The following GTF2A1 variants were observed in gnomAD, a reference collection of about 807,000 sequenced individuals.
GTF2A1 encodes general transcription factor IIA subunit 1, also known as transcription initiation factor IIA subunit 1.
Under a neutral mutation model 54.1 loss-of-function variants are expected in GTF2A1, and 12 were observed. The observed-to-expected ratio is 0.22, with a 90% CI of 0.14 to 0.36. The LOEUF (loss-of-function observed/expected upper bound fraction) is 0.36, where lower values mean the gene tolerates loss of function less well. Ranked by LOEUF, GTF2A1 falls within the 10% of genes least tolerant of loss-of-function variation. The pLI is 1.00. For synonymous variants in GTF2A1, 145 were observed against 152.0 expected (o/e 0.95, Z 0.34); for missense variants, 335 against 442.2 (o/e 0.76, Z 2.17).
chr14:81,215,929 A>C (rs909016728), intron 2 of GTF2A1, among the ~76,000 whole-genome samples: 1 of 152,166 alleles, frequency 6.6e-6, no homozygotes, highest in African/African-American at 2.4e-5. Context: ...CAGGGGTGGG[A>C]GGATGGTTTG....
chr14:81,196,341 A>G, intron 5 of GTF2A1, 100 bp from the exon 6 acceptor site: 1 of 1,232,726 alleles, frequency 8.1e-7, no homozygotes, highest in South Asian at 1.3e-5. Flanking sequence ...GGCACAAGAA[A>G]TTATCAAGAA....
intron 7 of GTF2A1, among the ~76,000 whole-genome samples, chr14:81,189,555 C>T (rs1049747623): frequency 6.6e-6 from 1 of 152,050 alleles, no homozygotes; most frequent in African/African-American, 2.4e-5. Flanking sequence ...CCTCTAGTCC[C>T]AGCTACTCAG....
intron 1 of GTF2A1, among the ~76,000 whole-genome samples, chr14:81,220,162 C>A (rs928100240): frequency 6.7e-6 from 1 of 150,132 alleles, no homozygotes; most frequent in Non-Finnish European, 1.5e-5. Flanking sequence ...GCTCCCCTCC[C>A]GCCCTCCCTC....
chr14:81,188,706 G>A (rs1033597558), intron 7 of GTF2A1, among the ~76,000 whole-genome samples: 3 of 151,432 alleles, frequency 2.0e-5, no homozygotes, highest in African/African-American at 7.3e-5. Context: ...GAACCCGGGA[G>A]GCTGAGCTTG....
chr14:81,177,737 C>T lies in GTF2A1; in HGVS notation c.*2486G>A, dbSNP rs919485810. On this transcript the variant is annotated 3_prime_UTR_variant, in exon 9 of 9. Coordinates refer to ENST00000553612, the MANE Select transcript of GTF2A1 (RefSeq NM_015859.4). ...AATGACATTTTAATGGAACCTAATA[C>T]GAAATGATTTGTTAAATACAATGTT... 7.9e-5 allele frequency: 12 copies of T among 151,984 alleles called. No individual in the cohort carries two copies. The highest frequency in any genetic ancestry group is 2.2e-4 in the African/African-American group (9 of 41,396). 9.4% of individuals were successfully genotyped at this position (151,984 alleles called of 1,614,324 possible).
intron 1 of GTF2A1, among the ~76,000 whole-genome samples, chr14:81,220,198 G>A (rs1337954031): frequency 6.8e-6 from 1 of 146,956 alleles, no homozygotes. Flanking sequence ...TGGGGCCGGG[G>A]CTGCGCGCCC....
At position 81,211,873 on chromosome 14, in the gene GTF2A1, CTTTATATATATATATATATATATA is replaced by C. The variant is rs1481909845; in HGVS notation, c.132+4516_132+4539del. Among the ~76,000 whole-genome samples, 6 of 99,288 alleles carry C rather than the reference CTTTATATATATATATATATATATA, an allele frequency of 6.0e-5. 1 individual carries two copies. Among genetic ancestry groups the C allele is most frequent in the African/African-American group, 2.4e-4 (4 of 16,578 alleles). 65.1% of individuals were successfully genotyped at this position (99,288 alleles called of 152,430 possible). ...ACACATAATTAGAGTGTATCAAGTA[CTTTATATATATATATATATATATA>C]TATATATATATAACTAGAGTATATT... On this transcript the variant is annotated intron_variant, in intron 2 of 8. Transcript: ENST00000553612.
At chr14:81,197,171 T>C (rs1433840131) in intron 5 of GTF2A1, 1 of 331,082 alleles carries the variant, frequency 3.0e-6, no homozygotes, top group African/African-American at 2.1e-5. Flanking sequence ...ACTTCAATAA[T>C]AGGGTTATCA....
intron 5 of GTF2A1, among the ~76,000 whole-genome samples, chr14:81,196,940 T>C (rs547842476): frequency 2.6e-5 from 4 of 152,278 alleles, no homozygotes; most frequent in South Asian, 2.1e-4. Context: ...TTAAAATCCA[T>C]GTAAATAAAT....
At chr14:81,190,816 C>T (rs1017864225) in intron 7 of GTF2A1, among the ~76,000 whole-genome samples, 5 of 152,028 alleles carry the variant, frequency 3.3e-5, no homozygotes, top group African/African-American at 9.7e-5. Context: ...AAAAAACTGC[C>T]GTTCTTCATA....
chr14:81,197,864 T>C lies in GTF2A1; in HGVS notation c.403-380A>G, dbSNP rs546868474. ...TACCCACATTAACAATGCTGTACAA[T>C]ATATGAAATGGCTATTTCATTATTG... On this transcript the variant is annotated intron_variant, in intron 4 of 8. Coordinates refer to ENST00000553612, the MANE Select transcript of GTF2A1 (RefSeq NM_015859.4). Among the ~76,000 whole-genome samples, 3 of 152,300 alleles carry C rather than the reference T, an allele frequency of 2.0e-5. No individual in the cohort carries two copies. The South Asian group carries it at 6.2e-4, about 32-fold the overall frequency.
Position 81,220,700 on chromosome 14 carries a change from G to GCCCC in GTF2A1, c.-183_-182insGGGG. ...GAGCGGAGAGAGGAGGAGGAGGGGG[G>GCCCC]CACTCCTCCCGCAGCTGAAAACCTC... On this transcript the variant is annotated 5_prime_UTR_variant, in exon 1 of 9. Coordinates refer to ENST00000553612, the MANE Select transcript of GTF2A1 (RefSeq NM_015859.4). 3.3e-6 allele frequency: 1 copy of GCCCC among 304,936 alleles called. No homozygotes were observed. Among genetic ancestry groups the GCCCC allele is most frequent in the East Asian group, 5.1e-5 (1 of 19,690 alleles). 18.9% of individuals were successfully genotyped at this position (304,936 alleles called of 1,614,324 possible).
At chr14:81,218,796 AT>A (rs916577789) in intron 1 of GTF2A1, among the ~76,000 whole-genome samples, 6 of 149,184 alleles carry the variant, frequency 4.0e-5, no homozygotes, top group South Asian at 2.1e-4. Flanking sequence ...TTCTACTTAG[AT>A]TTTTTTTTAA....
chr14:81,200,885 C>CGA (rs1555389875), intron 4 of GTF2A1, among the ~76,000 whole-genome samples: 6 of 111,100 alleles, frequency 5.4e-5, no homozygotes, highest in African/African-American at 2.4e-4. Context: ...ATGTTTTATC[C>CGA]AAAAAAAAAA....
Position 81,179,237 on chromosome 14 carries a change from C to G in GTF2A1, c.*986G>C, listed in dbSNP as rs1448501879. ...AATTACTAAACTGTTTAATAAAAAT[C>G]CAGGTCCTCACCACCTGCCCTATGC... is the stretch of plus-strand genomic sequence containing the variant. On this transcript the variant is annotated 3_prime_UTR_variant, in exon 9 of 9. Transcript: ENST00000553612. 6.6e-6 allele frequency: 1 copy of G among 152,164 alleles called. No homozygotes were observed. The highest frequency in any genetic ancestry group is 1.5e-5 in the Non-Finnish European group (1 of 68,026). The allele number at this position is 152,164 out of a possible 1,614,324, so 9.4% of individuals were successfully genotyped here. A position where few individuals can be genotyped will look rare whatever the true frequency, so the allele number is the denominator to read the frequency against.
At chr14:81,191,575 T>C (rs1250233826) in intron 7 of GTF2A1, among the ~76,000 whole-genome samples, 1 of 152,192 alleles carries the variant, frequency 6.6e-6, no homozygotes, top group Non-Finnish European at 1.5e-5. Flanking sequence ...TCATTTACGT[T>C]GTAAACATGC....
chr14:81,218,070 T>C (rs974337849), intron 1 of GTF2A1, among the ~76,000 whole-genome samples: 5 of 149,050 alleles, frequency 3.4e-5, no homozygotes, highest in African/African-American at 1.3e-4. Context: ...CTTAACTGAA[T>C]TACAAAAGTA....
intron 8 of GTF2A1, among the ~76,000 whole-genome samples, chr14:81,183,902 C>G (rs1395194048): frequency 2.6e-5 from 4 of 152,142 alleles, no homozygotes; most frequent in African/African-American, 9.7e-5. Flanking sequence ...AAACAATATC[C>G]AACCTCATTT....
intron 2 of GTF2A1, chr14:81,204,398 T>C: frequency 2.2e-6 from 1 of 462,906 alleles, no homozygotes. Flanking sequence ...AGCGATGAGT[T>C]TCATACAAGC....
Sources: gnomAD v4.1 joint callset for allele counts (sites outside exome capture counted in the v4.1 genomes callset) on GRCh38, gnomAD v4.1.1 for gene constraint, MANE v1.5 for transcripts, NCBI Gene and HGNC (gene_info 2026-07-23, HGNC 2026-07-21) for gene names.